Variants in ATP11A observed in about 807,000 individuals in gnomAD.
The protein encoded by ATP11A is ATPase phospholipid transporting 11A.
A neutral mutation model predicts 154.4 loss-of-function variants in ATP11A; 81 were observed. The ratio of observed to expected loss-of-function variants is 0.52; its 90% CI spans 0.44 to 0.63. ATP11A has a LOEUF of 0.63. Ranked by LOEUF, ATP11A falls within the 30% of genes least tolerant of loss-of-function variation. The probability of loss-of-function intolerance (pLI) is 0.00; values close to 1 mark genes in which losing one functional copy is unlikely to be tolerated. For synonymous variants in ATP11A, 623 were observed against 585.9 expected (o/e 1.06, Z -0.91); for missense variants, 1,316 against 1,474.3 (o/e 0.89, Z 1.76).
chr13:112,819,980 G>A (rs767057464), intron 8 of ATP11A, 30 bp downstream of exon 8: 29 of 1,557,862 alleles, frequency 1.9e-5, no homozygotes, highest in Middle Eastern at 1.7e-4. Context: ...CCTTGGCCAC[G>A]GTCACCTCCC....
intron 1 of ATP11A, among the ~76,000 whole-genome samples, chr13:112,725,886 C>T (rs1023710755): frequency 6.6e-6 from 1 of 152,228 alleles, no homozygotes; most frequent in African/African-American, 2.4e-5. Context: ...AGGAGCCCCT[C>T]CCCGGCAGCT....
chr13:112,757,732 A>G (rs1231929453), intron 1 of ATP11A, among the ~76,000 whole-genome samples: 1 of 152,266 alleles, frequency 6.6e-6, no homozygotes, highest in Admixed American at 6.5e-5. Flanking sequence ...AATTACAAAA[A>G]CAATTAAGTT....
intron 2 of ATP11A, among the ~76,000 whole-genome samples, chr13:112,794,920 A>T (rs1350723139): frequency 6.6e-6 from 1 of 151,878 alleles, no homozygotes; most frequent in Admixed American, 6.6e-5. Flanking sequence ...GGTGGTTTCA[A>T]ATTCCAAAGC....
At chr13:112,773,966 TCA>T (rs1393450371) in intron 1 of ATP11A, among the ~76,000 whole-genome samples, 2 of 148,932 alleles carry the variant, frequency 1.3e-5, no homozygotes, top group African/African-American at 2.5e-5. Context: ...CCGGAGGAAC[TCA>T]CAGAGCGGTG....
chr13:112,800,625 G>A (rs2078108532), intron 2 of ATP11A, among the ~76,000 whole-genome samples: 1 of 151,290 alleles, frequency 6.6e-6, no homozygotes, highest in African/African-American at 2.4e-5. Context: ...AGAAGCGGAA[G>A]GAACATTTTC....
At chr13:112,712,080 G>C (rs1318604454) in intron 1 of ATP11A, among the ~76,000 whole-genome samples, 1 of 152,230 alleles carries the variant, frequency 6.6e-6, no homozygotes, top group African/African-American at 2.4e-5. Flanking sequence ...AAAAAACAAA[G>C]CAGAAGCTGC....
intron 1 of ATP11A, among the ~76,000 whole-genome samples, chr13:112,698,878 C>T (rs1007240807): frequency 6.6e-5 from 10 of 152,086 alleles, no homozygotes; most frequent in African/African-American, 1.2e-4. Flanking sequence ...CCTGCCACCA[C>T]GCCTGTCTCA....
intron 1 of ATP11A, among the ~76,000 whole-genome samples, chr13:112,759,848 T>G (rs2076924706): frequency 6.6e-6 from 1 of 152,220 alleles, no homozygotes; most frequent in Non-Finnish European, 1.5e-5. Context: ...ACGTTAATTT[T>G]TGTAAACGCC....
At chr13:112,796,757 G>A (rs142555812) in intron 2 of ATP11A, among the ~76,000 whole-genome samples, 207 of 152,262 alleles carry the variant, frequency 1.4e-3, no homozygotes, top group East Asian at 0.013. Context: ...GGAGATTGAC[G>A]CGGTGTCAAA....
In ATP11A at chr13:112,859,311, A is replaced by T. The variant is rs1178142472; in HGVS notation, c.2668-82A>T. 9.0e-7 allele frequency: 1 copy of T among 1,115,216 alleles called. No homozygotes were observed. Among genetic ancestry groups the T allele is most frequent in the Non-Finnish European group, 1.4e-6 (1 of 725,868 alleles). 69.1% of individuals were successfully genotyped at this position (1,115,216 alleles called of 1,614,324 possible). A position where few individuals can be genotyped will look rare whatever the true frequency, so the allele number is the denominator to read the frequency against. On this transcript the variant is annotated intron_variant, in intron 22 of 29. Coordinates refer to ENST00000375645, the MANE Select transcript of ATP11A (RefSeq NM_015205.3). This position sits in a 1 kb window ranked among gnomAD's most constrained non-coding sequence, Gnocchi z 4.3. ...TGGGTGCACGTGGATCCCTCCTCCC[A>T]TGTGGGGTGGGCCACGTCGGTAGGT...
rs577630000 is a variant in ATP11A at position 112,743,641 on chromosome 13, A to G, written c.40-41494A>G. ...AGTGTGATAACCTGTGCGATGTTGC[A>G]GGTTCCTGCTAGCACTGACAGCATA... On this transcript the variant is annotated intron_variant, in intron 1 of 29. Transcript: ENST00000375645. Among the ~76,000 whole-genome samples, 13 of 152,202 alleles carry G rather than the reference A, an allele frequency of 8.5e-5. No homozygotes were observed. In the South Asian group the frequency reaches 2.7e-3, roughly 32 times the overall value.
In ATP11A at chr13:112,873,626, G is replaced by A; in HGVS notation, c.3111G>A (p.Gly1037=). 1 of 1,613,516 alleles carries A rather than the reference G, an allele frequency of 6.2e-7. No homozygotes were observed. The highest frequency in any genetic ancestry group is 8.5e-7 in the Non-Finnish European group (1 of 1,179,844). The change falls in exon 27 of 30, where the codon GGG becomes GGA. Residue 1037 remains glycine (G), a synonymous_variant. Coordinates refer to ENST00000375645, the MANE Select transcript of ATP11A (RefSeq NM_015205.3). ...WTWINHFVIW[G]SLLFYVVFSL... ...GGATCAACCATTTTGTCATCTGGGG[G>A]TCGCTGCTGTTCTACGTTGTCTTTT...
rs112313900 is a variant in ATP11A at position 112,873,554 on chromosome 13, CT to C, written c.3058-9del. The C allele has an allele frequency of 2.1e-3, 2,877 of 1,346,586 alleles. No homozygotes were observed. The highest frequency in any genetic ancestry group is 3.8e-3 in the Admixed American group (178 of 47,166). The allele number at this position is 1,346,586 out of a possible 1,614,324, so 83.4% of individuals were successfully genotyped here. On this transcript the variant is annotated intron_variant, in intron 26 of 29. Coordinates refer to ENST00000375645, the MANE Select transcript of ATP11A (RefSeq NM_015205.3). ...TGCTCAGATGACACCGTTAACTGCCCTTTTTTTTTTCCTTTTAGCTTGCATT... is the reference window on the plus strand; with the variant it reads ...TGCTCAGATGACACCGTTAACTGCCCTTTTTTTTTCCTTTTAGCTTGCATT...
intron 2 of ATP11A, among the ~76,000 whole-genome samples, chr13:112,800,538 T>A (rs749941697): frequency 6.6e-6 from 1 of 151,702 alleles, no homozygotes; most frequent in Non-Finnish European, 1.5e-5. Context: ...AAGACTCAGA[T>A]GTTTTCACTG....
intron 1 of ATP11A, among the ~76,000 whole-genome samples, chr13:112,732,741 A>T (rs1368697548): frequency 6.6e-6 from 1 of 152,072 alleles, no homozygotes. Context: ...CCTCCCGAGT[A>T]TCTGGGACTG....
chr13:112,878,111 G>A, intron 28 of ATP11A, 106 bp from the exon 29 acceptor site: 2 of 1,074,328 alleles, frequency 1.9e-6, no homozygotes, highest in Non-Finnish European at 2.9e-6. Flanking sequence ...TCTGTCTCTT[G>A]TTTCTCTTTC....
rs1342742202 is a variant in ATP11A, at chr13:112,696,027, TCTGA to T, written c.39+5574_39+5577del. Among the ~76,000 whole-genome samples the T allele has an allele frequency of 3.3e-5, 5 of 152,202 alleles. No homozygotes were observed. The East Asian group carries it at 9.7e-4, about 29-fold the overall frequency. ...GAGGTGCCGAGGTTAGGCGTCGGAG[TCTGA>T]CAGACCCACATTCAAGTTCCGTCTC... is the stretch of plus-strand genomic sequence containing the variant. On this transcript the variant is annotated intron_variant, in intron 1 of 29. Transcript: ENST00000375645. This position sits in a 1 kb window ranked among gnomAD's most constrained non-coding sequence, Gnocchi z 6.2.
In ATP11A at chr13:112,825,556, G is replaced by A. The variant is rs773382730; in HGVS notation, c.999G>A (p.Thr333=). The A allele has an allele frequency of 4.3e-6, 7 of 1,613,406 alleles. No individual in the cohort carries two copies. The Admixed American group carries it at 1.2e-4, about 27-fold the overall frequency. The part of the protein sequence containing the change: ...FRDEPWYNQK[T]ESERQRNLFL... The stretch of plus-strand genomic sequence containing the variant: ...ATGAGCCGTGGTATAATCAGAAAAC[G>A]GAGTCGGAAAGGCAGAGGAATCTGG... The change falls in exon 11 of 30, where the codon ACG becomes ACA. Residue 333 remains threonine, a synonymous_variant. Coordinates refer to ENST00000375645, the MANE Select transcript of ATP11A (RefSeq NM_015205.3).
At chr13:112,727,397 A>C (rs545277739) in intron 1 of ATP11A, among the ~76,000 whole-genome samples, 3 of 152,308 alleles carry the variant, frequency 2.0e-5, no homozygotes, top group Admixed American at 1.3e-4. Flanking sequence ...CAAGTTTACT[A>C]TATTTATTTA....
Sources: gnomAD v4.1 joint callset for allele counts (sites outside exome capture counted in the v4.1 genomes callset) on GRCh38, gnomAD v4.1.1 for gene constraint, Gnocchi (gnomAD v3.1) non-coding constraint, MANE v1.5 for transcripts, NCBI Gene and HGNC (gene_info 2026-07-23, HGNC 2026-07-21) for gene names.